Variants in TBC1D22A observed in about 807,000 individuals in gnomAD.
TBC1D22A encodes TBC1 domain family member 22A, also known as putative GTPase activator.
In TBC1D22A, 38 loss-of-function variants were observed where a neutral mutation model predicts 60.2. The observed-to-expected ratio is 0.63, with a 90% confidence interval of 0.49 to 0.83. The LOEUF (loss-of-function observed/expected upper bound fraction) is 0.83. Ranked by LOEUF, TBC1D22A falls within the 40% of genes least tolerant of loss-of-function variation. The pLI is 0.00. For missense variants in TBC1D22A, 628 were observed against 701.0 expected (o/e 0.90, Z 1.18); for synonymous variants, 302 against 281.7 (o/e 1.07, Z -0.72).
chr22:46,917,366 C>T lies in TBC1D22A; in HGVS notation c.1015+5178C>T, dbSNP rs144157881. 9.9e-5 allele frequency among the ~76,000 whole-genome samples: 15 copies of T among 152,260 alleles called. No homozygotes were observed. The East Asian group carries it at 2.1e-3, about 22-fold the overall frequency. On this transcript the variant is annotated intron_variant, in intron 8 of 12. Coordinates refer to ENST00000337137, the MANE Select transcript of TBC1D22A (RefSeq NM_014346.5). ...CAGAGGCCGGTGGAGGCAGGAGACT[C>T]GCTGACGGAGGACTGGGCCTGAGAG...
chr22:46,765,501 T>C (rs1476029783), intron 1 of TBC1D22A, among the ~76,000 whole-genome samples: 1 of 152,212 alleles, frequency 6.6e-6, no homozygotes, highest in Non-Finnish European at 1.5e-5. Context: ...AGTCTCACTG[T>C]GTTGCCCAGG....
intron 4 of TBC1D22A, among the ~76,000 whole-genome samples, chr22:46,812,069 G>T (rs2085400149): frequency 6.6e-6 from 1 of 152,184 alleles, no homozygotes; most frequent in Admixed American, 6.5e-5. Flanking sequence ...AAGGTTTTGG[G>T]CAGGGATTGG....
At chr22:46,792,772 G>A (rs1014957972) in intron 2 of TBC1D22A, 196 bp downstream of exon 2, 4 of 1,463,004 alleles carry the variant, frequency 2.7e-6, no homozygotes, top group East Asian at 5.0e-5. Context: ...GGTGAAGACG[G>A]CGGATGTGGG....
intron 11 of TBC1D22A, among the ~76,000 whole-genome samples, chr22:47,077,458 G>T (rs1003305538): frequency 2.6e-5 from 4 of 152,182 alleles, no homozygotes; most frequent in African/African-American, 9.7e-5. Flanking sequence ...TTTCCCCAAG[G>T]CCTGGTAGCA....
At chr22:47,104,854 G>A (rs765924119) in intron 11 of TBC1D22A, among the ~76,000 whole-genome samples, 4 of 152,056 alleles carry the variant, frequency 2.6e-5, no homozygotes, top group Non-Finnish European at 5.9e-5. Flanking sequence ...AACTCAACCA[G>A]TTGTCAACTA....
chr22:47,107,805 C>T (rs1472643566), intron 11 of TBC1D22A, among the ~76,000 whole-genome samples: 1 of 152,226 alleles, frequency 6.6e-6, no homozygotes, highest in Admixed American at 6.5e-5. Flanking sequence ...AGTCTTTCAG[C>T]AAATTGCTGG....
intron 7 of TBC1D22A, among the ~76,000 whole-genome samples, chr22:46,895,535 C>A (rs1193687805): frequency 6.6e-6 from 1 of 152,140 alleles, no homozygotes; most frequent in Non-Finnish European, 1.5e-5. Context: ...CCACGCCCGG[C>A]TAATTTTTGT....
At chr22:47,014,085 A>G (rs1344881717) in intron 10 of TBC1D22A, among the ~76,000 whole-genome samples, 1 of 152,122 alleles carries the variant, frequency 6.6e-6, no homozygotes, top group East Asian at 1.9e-4. Flanking sequence ...ATTACAGACC[A>G]CACTCCTGTG....
At chr22:46,797,337 G>GA (rs2084697564) in intron 3 of TBC1D22A, 107 bp from the exon 4 acceptor site, 1 of 1,281,826 alleles carries the variant, frequency 7.8e-7, no homozygotes, top group Non-Finnish European at 1.1e-6. Flanking sequence ...TGAGTGATGG[G>GA]AAGAAGGGAC....
intron 12 of TBC1D22A, among the ~76,000 whole-genome samples, chr22:47,150,482 G>C (rs372760929): frequency 6.6e-6 from 1 of 152,158 alleles, no homozygotes; most frequent in Non-Finnish European, 1.5e-5. Flanking sequence ...AACAGCTCTC[G>C]AGCCCGCGTA....
chr22:46,796,145 G>A (rs1478535682), intron 3 of TBC1D22A, among the ~76,000 whole-genome samples: 1 of 152,064 alleles, frequency 6.6e-6, no homozygotes, highest in African/African-American at 2.4e-5. Flanking sequence ...CCTCCTGGGG[G>A]TTGGGGGGAG....
chr22:47,030,646 A>G (rs1603076250), intron 10 of TBC1D22A, among the ~76,000 whole-genome samples: 1 of 152,220 alleles, frequency 6.6e-6, no homozygotes, highest in Non-Finnish European at 1.5e-5. Flanking sequence ...CAATAATTAC[A>G]CCTGCCTGCT....
chr22:46,790,617 A>G (rs1003584602), intron 1 of TBC1D22A, among the ~76,000 whole-genome samples: 3 of 152,192 alleles, frequency 2.0e-5, no homozygotes, highest in East Asian at 1.9e-4. Flanking sequence ...TGAGCAGACA[A>G]TTTACAAAAA....
At chr22:46,909,693 C>T (rs1001680068) in intron 7 of TBC1D22A, among the ~76,000 whole-genome samples, 1 of 152,238 alleles carries the variant, frequency 6.6e-6, no homozygotes, top group Non-Finnish European at 1.5e-5. Context: ...CCCCTCTGCC[C>T]CCTGCTCCTG....
chr22:47,026,788 CAA>C (rs1016751874), intron 10 of TBC1D22A, among the ~76,000 whole-genome samples: 5 of 152,246 alleles, frequency 3.3e-5, no homozygotes, highest in South Asian at 2.1e-4. Flanking sequence ...TCAGAAGACT[CAA>C]GAGTATTAAA....
intron 4 of TBC1D22A, among the ~76,000 whole-genome samples, chr22:46,798,732 C>T (rs1365657213): frequency 2.0e-5 from 3 of 152,258 alleles, no homozygotes; most frequent in South Asian, 2.1e-4. Context: ...ACTGGTGTCA[C>T]TGTGGCACTC....
chr22:46,918,493 G>A (rs2070529782), intron 8 of TBC1D22A, among the ~76,000 whole-genome samples: 1 of 152,176 alleles, frequency 6.6e-6, no homozygotes, highest in Non-Finnish European at 1.5e-5. Context: ...GTGCCCCGGG[G>A]AGAGGTATGG....
intron 12 of TBC1D22A, among the ~76,000 whole-genome samples, chr22:47,160,935 G>A (rs2067956556): frequency 7.3e-6 from 1 of 136,386 alleles, no homozygotes; most frequent in African/African-American, 2.5e-5. Context: ...ACCCTCCTGC[G>A]GTTTAGGAGG....
In TBC1D22A at chr22:47,047,363, G is replaced by A. The variant is rs976914234; in HGVS notation, c.1329+10165G>A. Among the ~76,000 whole-genome samples, 3 of 152,382 alleles carry A rather than the reference G, an allele frequency of 2.0e-5. No individual in the cohort carries two copies. The East Asian group carries it at 5.8e-4, about 29-fold the overall frequency. Reference sequence around the variant, plus strand: ...TTATTGAATTGTATCTTTGTGGCCGGTGATTGAAATCATAGTCCTAAAGAG... The same window carrying A: ...TTATTGAATTGTATCTTTGTGGCCGATGATTGAAATCATAGTCCTAAAGAG... On this transcript the variant is annotated intron_variant, in intron 11 of 12. Transcript: ENST00000337137.
Sources: gnomAD v4.1 joint callset for allele counts (sites outside exome capture counted in the v4.1 genomes callset) on GRCh38, gnomAD v4.1.1 for gene constraint, MANE v1.5 for transcripts, NCBI Gene and HGNC (gene_info 2026-07-23, HGNC 2026-07-21) for gene names.